PPP1R3A: variants seen among roughly 807,000 people sequenced by gnomAD.
PPP1R3A encodes the protein protein phosphatase 1 regulatory subunit 3A, also known as RG1.
PPP1R3A carries 29 observed loss-of-function variants against 41.7 expected under a neutral mutation model. The ratio of observed to expected loss-of-function variants is 0.70; its 90% confidence interval spans 0.52 to 0.95. PPP1R3A has a LOEUF of 0.95. PPP1R3A is among the 40% of genes least tolerant of loss of function. The probability of loss-of-function intolerance (pLI) is 0.00; values close to 1 mark genes in which losing one functional copy is unlikely to be tolerated. For synonymous variants in PPP1R3A, 485 were observed against 453.4 expected, an observed-to-expected ratio of 1.07 and a Z score of -0.89; for missense variants, 1,352 against 1,292.4, an observed-to-expected ratio of 1.05 and a Z score of -0.71.
chr7:113,884,415 G>A (rs1421750589), intron 1 of PPP1R3A, among the ~76,000 whole-genome samples: 1 of 151,922 alleles, frequency 6.6e-6, no homozygotes, highest in Non-Finnish European at 1.5e-5. Flanking sequence ...ACAGAGTCAG[G>A]CAAACTAATA....
intron 1 of PPP1R3A, among the ~76,000 whole-genome samples, chr7:113,889,053 C>T (rs2129116040): frequency 6.6e-6 from 1 of 152,166 alleles, no homozygotes; most frequent in African/African-American, 2.4e-5. Flanking sequence ...TAATATAGAC[C>T]TGTATATGGA....
intron 1 of PPP1R3A, among the ~76,000 whole-genome samples, chr7:113,915,700 A>G (rs1451936847): frequency 1.3e-5 from 2 of 151,462 alleles, no homozygotes; most frequent in African/African-American, 4.8e-5. Flanking sequence ...AAGTGTAGAA[A>G]TGCTCAGAAA....
intron 1 of PPP1R3A, among the ~76,000 whole-genome samples, chr7:113,902,302 C>T (rs754401141): frequency 6.6e-6 from 1 of 151,710 alleles, no homozygotes; most frequent in Non-Finnish European, 1.5e-5. Context: ...CTGTTATCTT[C>T]TTTATGTATG....
chr7:113,877,906 T>C lies in PPP1R3A; in HGVS notation c.3186A>G (p.Gln1062=), dbSNP rs756831733. 9.3e-6 allele frequency: 15 copies of C among 1,613,076 alleles called. No individual in the cohort carries two copies. The highest frequency in any genetic ancestry group is 1.7e-6 in the Non-Finnish European group (2 of 1,179,426). ...TSLPVEESQA[Q]GNESLFSKYT... ...ATTTTGAAAACAAAGATTCGTTGCC[T>C]TGAGCTTGACTTTCCTCAACAGGAA... The change falls in exon 4 of 4, where the codon CAA becomes CAG. Residue 1062 remains glutamine, a synonymous_variant. Coordinates refer to ENST00000284601, the MANE Select transcript of PPP1R3A (RefSeq NM_002711.4).
chr7:113,893,466 GT>G (rs1326190569), intron 1 of PPP1R3A, among the ~76,000 whole-genome samples: 1 of 151,770 alleles, frequency 6.6e-6, no homozygotes, highest in Non-Finnish European at 1.5e-5. Context: ...TAATGGAATG[GT>G]TTATTTCCAT....
At chr7:113,915,547 G>GTATATACA (rs1374902098) in intron 1 of PPP1R3A, among the ~76,000 whole-genome samples, 2 of 147,294 alleles carry the variant, frequency 1.4e-5, no homozygotes, top group African/African-American at 5.0e-5. Flanking sequence ...GTATGTATAT[G>GTATATACA]TATATACATA....
At chr7:113,880,734 A>G (rs1796677931) in intron 3 of PPP1R3A, among the ~76,000 whole-genome samples, 1 of 148,858 alleles carries the variant, frequency 6.7e-6, no homozygotes, top group African/African-American at 2.5e-5. Context: ...TTTTCTCCTC[A>G]TAACTGACAT....
rs549318556 is a variant in PPP1R3A at position 113,885,219 on chromosome 7, T to C, written c.783-2899A>G. On this transcript the variant is annotated intron_variant, in intron 1 of 3. Transcript: ENST00000284601. ...ACATGTGACACGACATCCTGCTAAT[T>C]TGTACTTTAGTAGAGACAAGGTTTC... Among the ~76,000 whole-genome samples, 45 of 152,162 alleles carry C rather than the reference T, an allele frequency of 3.0e-4. No homozygotes were observed. The South Asian group carries it at 7.1e-3, about 24-fold the overall frequency.
intron 1 of PPP1R3A, among the ~76,000 whole-genome samples, chr7:113,910,087 C>T (rs1320264667): frequency 6.6e-6 from 1 of 151,958 alleles, no homozygotes; most frequent in African/African-American, 2.4e-5. Context: ...AGGTGAATTC[C>T]CATTTATAAA....
Position 113,879,059 on chromosome 7 carries a change from C to T in PPP1R3A, c.2033G>A (p.Gly678Glu). ...CCACACGTCTTCACAATCTGTTTGT[C>T]CTTTGATATGCTCTGTTATGTTTGT... is the stretch of plus-strand genomic sequence containing the variant. ...NKTNITEHIKGQTDCEDVWGK... is the reference protein window; with the variant it reads ...NKTNITEHIKEQTDCEDVWGK... The change falls in exon 4 of 4, where the codon GGA becomes GAA. Residue 678 changes from glycine to glutamate, a missense_variant. Physicochemically the swap from Gly to Glu is moderately conservative, Grantham distance 98. Coordinates refer to ENST00000284601, the MANE Select transcript of PPP1R3A (RefSeq NM_002711.4). 1.2e-6 allele frequency: 2 copies of T among 1,613,702 alleles called. No individual in the cohort carries two copies. The highest frequency in any genetic ancestry group is 1.7e-6 in the Non-Finnish European group (2 of 1,179,788).
rs189562577 is a variant in PPP1R3A, at chr7:113,912,591, G to A, written c.782+5624C>T. Among the ~76,000 whole-genome samples, 429 of 152,202 alleles carry A rather than the reference G, an allele frequency of 2.8e-3. 3 individuals are homozygous for A. The highest frequency in any genetic ancestry group is 0.015 in the South Asian group (73 of 4,824). ...TCCCCTGCATTATTTCCTGTTGAGG[G>A]GTAGGGGTAAAAACCTGGAATAGGG... On this transcript the variant is annotated intron_variant, in intron 1 of 3. Transcript: ENST00000284601.
In PPP1R3A at chr7:113,918,816, T is replaced by A. The variant is rs1797386322; in HGVS notation, c.181A>T (p.Thr61Ser). ...GAATCAGCAAATGAAACTCTTCTAG[T>A]ACCTGAAGATGGGGTATCCAGGTAT... Reference protein sequence around the residue: ...DIYLDTPSSGTRRVSFADSFG... With the variant: ...DIYLDTPSSGSRRVSFADSFG... Residue 61 changes from threonine to serine, a missense_variant, in exon 1 of 4, where the codon ACT (threonine) becomes TCT (serine). Thr to Ser is a moderately conservative substitution (Grantham distance 58). Coordinates refer to ENST00000284601, the MANE Select transcript of PPP1R3A (RefSeq NM_002711.4). The A allele has an allele frequency of 6.2e-7, 1 of 1,613,686 alleles. No individual in the cohort carries two copies. Among genetic ancestry groups the A allele is most frequent in the Non-Finnish European group, 8.5e-7 (1 of 1,179,758 alleles).
At chr7:113,885,240 G>T (rs373317638) in intron 1 of PPP1R3A, among the ~76,000 whole-genome samples, 1 of 152,024 alleles carries the variant, frequency 6.6e-6, no homozygotes, top group African/African-American at 2.4e-5. Flanking sequence ...TAGAGACAAG[G>T]TTTCACCATG....
intron 1 of PPP1R3A, among the ~76,000 whole-genome samples, chr7:113,895,804 GAA>G (rs1210285640): frequency 2.0e-5 from 3 of 152,006 alleles, no homozygotes; most frequent in South Asian, 4.1e-4. Flanking sequence ...AACAGCATTT[GAA>G]AAGTTTTCTA....
At chr7:113,881,575 C>A (rs1304626946) in intron 3 of PPP1R3A, among the ~76,000 whole-genome samples, 2 of 151,964 alleles carry the variant, frequency 1.3e-5, no homozygotes, top group African/African-American at 2.4e-5. Context: ...TAATACTCTA[C>A]AATGATATAG....
At position 113,918,696 on chromosome 7, in the gene PPP1R3A, T is replaced by G; in HGVS notation, c.301A>C (p.Thr101Pro). 6.2e-7 allele frequency: 1 copy of G among 1,613,782 alleles called. No individual in the cohort carries two copies. Among genetic ancestry groups the G allele is most frequent in the African/African-American group, 1.3e-5 (1 of 75,010 alleles). ...TFDLGTDIFH[T>P]EEYVLAPLFD... ...AGTGGGGCTAAAACATATTCTTCTG[T>G]GTGGAAAATGTCCGTCCCTAAGTCA... The change falls in exon 1 of 4, where the codon ACA (threonine) becomes CCA (proline). Residue 101 changes from threonine (T) to proline (P), a missense_variant. Physicochemically the swap from Thr to Pro is conservative, Grantham distance 38 (BLOSUM62 -1). Coordinates refer to ENST00000284601, the MANE Select transcript of PPP1R3A (RefSeq NM_002711.4).
chr7:113,894,006 AG>A (rs1398421101), intron 1 of PPP1R3A, among the ~76,000 whole-genome samples: 1 of 151,970 alleles, frequency 6.6e-6, no homozygotes, highest in African/African-American at 2.4e-5. Flanking sequence ...ACAAAGTGGT[AG>A]GTGGTGGTGT....
At chr7:113,892,596 T>C (rs1426633670) in intron 1 of PPP1R3A, among the ~76,000 whole-genome samples, 2 of 151,934 alleles carry the variant, frequency 1.3e-5, no homozygotes, top group Non-Finnish European at 2.9e-5. Flanking sequence ...AAACCAAAAG[T>C]GGAAGAGGAA....
At chr7:113,905,748 A>G (rs1281913112) in intron 1 of PPP1R3A, among the ~76,000 whole-genome samples, 1 of 151,828 alleles carries the variant, frequency 6.6e-6, no homozygotes, top group Non-Finnish European at 1.5e-5. Flanking sequence ...TCAGTGGAAT[A>G]CAACTAGTAG....
Sources: gnomAD v4.1 joint callset for allele counts (sites outside exome capture counted in the v4.1 genomes callset) on GRCh38, gnomAD v4.1.1 for gene constraint, MANE v1.5 for transcripts, NCBI Gene and HGNC (gene_info 2026-07-23, HGNC 2026-07-21) for gene names.